Variants in ENPP2 observed in about 807,000 individuals in gnomAD.
ENPP2 encodes the protein autotaxin.
A neutral mutation model predicts 120.2 loss-of-function variants in ENPP2; 51 were observed. That is an observed-to-expected ratio of 0.42 (90% CI 0.34 to 0.54). The LOEUF is 0.54. Ranked by LOEUF, ENPP2 falls within the 20% of genes least tolerant of loss-of-function variation. The pLI is 0.04. For synonymous variants in ENPP2, 365 were observed against 366.4 expected, an observed-to-expected ratio of 1.00 and a Z score of 0.04; for missense variants, 920 against 1,066.5, an observed-to-expected ratio of 0.86 and a Z score of 1.91.
chr8:119,639,857 A>T (rs1259820178), upstream of ENPP2, among the ~76,000 whole-genome samples: 1 of 152,222 alleles, frequency 6.6e-6, no homozygotes, highest in Non-Finnish European at 1.5e-5. Context: ...AGAAAAAATC[A>T]AGGGCTCTAA....
intron 20 of ENPP2, among the ~76,000 whole-genome samples, chr8:119,569,725 CTAAA>C (rs1563675596): frequency 7.6e-6 from 1 of 131,052 alleles, no homozygotes; most frequent in Admixed American, 8.1e-5. Context: ...TGTATCTCCT[CTAAA>C]TAGACTATTT....
chr8:119,575,540 C>T (rs1376464559), intron 19 of ENPP2, among the ~76,000 whole-genome samples: 1 of 152,098 alleles, frequency 6.6e-6, no homozygotes, highest in East Asian at 1.9e-4. Context: ...TTGACATATT[C>T]CCTTTGTTCC....
intron 1 of ENPP2, among the ~76,000 whole-genome samples, chr8:119,643,862 G>A (rs1048241679): frequency 6.6e-6 from 1 of 152,206 alleles, no homozygotes; most frequent in East Asian, 1.9e-4. Context: ...ATTGAGCTGC[G>A]ATTGGAAGGG....
At chr8:119,628,112 A>G (rs1816410731) in intron 2 of ENPP2, among the ~76,000 whole-genome samples, 1 of 152,018 alleles carries the variant, frequency 6.6e-6, no homozygotes, top group Non-Finnish European at 1.5e-5. Flanking sequence ...ACTAGATAGC[A>G]AAGTATATTC....
At chr8:119,578,464 T>A (rs1307465954) in intron 19 of ENPP2, 2 of 152,246 alleles carry the variant, frequency 1.3e-5, no homozygotes, top group Non-Finnish European at 2.9e-5. Context: ...TTTAGTACCA[T>A]GAACAGTCAG....
intron 1 of ENPP2, among the ~76,000 whole-genome samples, chr8:119,663,119 CAA>C (rs34922221): frequency 8.2e-4 from 99 of 120,394 alleles, no homozygotes; most frequent in Middle Eastern, 4.6e-3. Flanking sequence ...ACTCTTGTCT[CAA>C]AAAAAAAAAA....
At chr8:119,578,633 C>T (rs1390257709) in intron 19 of ENPP2, 12 of 152,160 alleles carry the variant, frequency 7.9e-5, no homozygotes, top group Admixed American at 7.9e-4. Context: ...TTGACTCTAG[C>T]AATGTTCTAA....
intron 13 of ENPP2, 115 bp from the exon 14 acceptor site, chr8:119,587,190 T>G: frequency 1.2e-6 from 1 of 833,446 alleles, no homozygotes; most frequent in East Asian, 2.7e-5. Context: ...AGACTATCAC[T>G]TTAGTGTTTT....
chr8:119,615,632 C>T (rs1030499771), intron 8 of ENPP2, among the ~76,000 whole-genome samples: 1 of 152,104 alleles, frequency 6.6e-6, no homozygotes, highest in African/African-American at 2.4e-5. Flanking sequence ...TATTTAACTT[C>T]ATGATTTTTA....
chr8:119,644,966 CTA>C (rs917108181), intron 1 of ENPP2, among the ~76,000 whole-genome samples: 12 of 151,942 alleles, frequency 7.9e-5, no homozygotes, highest in African/African-American at 2.9e-4. Flanking sequence ...TATAATGTGA[CTA>C]TGTGATATAT....
chr8:119,640,494 T>C (rs1418995978), upstream of ENPP2, among the ~76,000 whole-genome samples: 1 of 152,234 alleles, frequency 6.6e-6, no homozygotes, highest in Non-Finnish European at 1.5e-5. Context: ...CAGCCTCTTC[T>C]TTTGCCTTGC....
chr8:119,625,134 G>T (rs937493396), intron 3 of ENPP2, among the ~76,000 whole-genome samples: 1 of 152,126 alleles, frequency 6.6e-6, no homozygotes, highest in African/African-American at 2.4e-5. Flanking sequence ...TTCAAGGTAA[G>T]GAGGAAACAT....
intron 1 of ENPP2, among the ~76,000 whole-genome samples, chr8:119,651,164 T>C (rs1344915651): frequency 6.6e-6 from 1 of 151,998 alleles, no homozygotes; most frequent in African/African-American, 2.4e-5. Flanking sequence ...AAATTATAGA[T>C]AGGGGATTTT....
At chr8:119,586,162 A>T in intron 15 of ENPP2, 24 bp downstream of exon 15, 4 of 1,604,576 alleles carry the variant, frequency 2.5e-6, no homozygotes, top group Non-Finnish European at 3.4e-6. Flanking sequence ...AATGAGAAAC[A>T]GAAATAGCCC....
chr8:119,604,860 G>A (rs1044086118), intron 9 of ENPP2, among the ~76,000 whole-genome samples: 8 of 151,944 alleles, frequency 5.3e-5, no homozygotes, highest in African/African-American at 1.4e-4. Flanking sequence ...TGCAAGCTCC[G>A]CCTCCTGGGT....
chr8:119,663,437 T>G (rs1449286132), intron 1 of ENPP2, among the ~76,000 whole-genome samples: 1 of 152,222 alleles, frequency 6.6e-6, no homozygotes, highest in Non-Finnish European at 1.5e-5. Flanking sequence ...CCTAAAAAAG[T>G]ATACATTGTT....
At chr8:119,655,368 G>A (rs1817740175) in intron 1 of ENPP2, among the ~76,000 whole-genome samples, 1 of 152,148 alleles carries the variant, frequency 6.6e-6, no homozygotes, top group South Asian at 2.1e-4. Context: ...GGAAGTTCTG[G>A]ACCTTATGTT....
chr8:119,638,813 G>A lies in ENPP2; in HGVS notation c.-33C>T, dbSNP rs745489491. The A allele has an allele frequency of 2.5e-6, 4 of 1,613,844 alleles. No individual in the cohort carries two copies. Among genetic ancestry groups the A allele is most frequent in the Non-Finnish European group, 3.4e-6 (4 of 1,179,734 alleles). On this transcript the variant is annotated 5_prime_UTR_variant, in exon 1 of 25. Transcript: ENST00000075322. ...ATTCTTGGAAAGCCTTTTGCAGCGT[G>A]TTCTCTTTGCCTTCACGGAGTGCAC...
At chr8:119,621,367 C>G in intron 4 of ENPP2, 27 bp downstream of exon 4, 1 of 1,609,942 alleles carries the variant, frequency 6.2e-7, no homozygotes, top group South Asian at 1.1e-5. Flanking sequence ...TCTTTTAAAG[C>G]TCAGGCCAAT....
Sources: gnomAD v4.1 joint callset for allele counts (sites outside exome capture counted in the v4.1 genomes callset) on GRCh38, gnomAD v4.1.1 for gene constraint, MANE v1.5 for transcripts, NCBI Gene and HGNC (gene_info 2026-07-23, HGNC 2026-07-21) for gene names.